NUP35: variants seen among roughly 807,000 people sequenced by gnomAD.
NUP35 encodes nucleoporin 35.
Under a neutral mutation model 41.5 loss-of-function variants are expected in NUP35, and 25 were observed. That is an observed-to-expected ratio of 0.60 (90% confidence interval 0.44 to 0.84). The LOEUF is 0.84. Ranked by LOEUF, NUP35 falls within the 40% of genes least tolerant of loss-of-function variation. NUP35 has a pLI of 0.00. For synonymous variants in NUP35, 149 were observed against 130.7 expected (o/e 1.14, Z -0.96); for missense variants, 396 against 396.6 (o/e 1.00, Z 0.01).
rs776005733 is a variant in NUP35 at position 183,128,356 on chromosome 2, G to T, written c.110G>T (p.Gly37Val). ...GGAGTTAATGCCCAGTTCTTACCTG[G>T]ATTTTTAATGGGGGATTTGCCAGCT... ...KPGVNAQFLP[G>V]FLMGDLPAPV... The change falls in exon 2 of 9, where the codon GGA becomes GTA. Residue 37 changes from glycine (G) to valine (V), a missense_variant. By Grantham distance (109) the Gly-to-Val change is moderately radical (BLOSUM62 -3). Coordinates refer to ENST00000295119, the MANE Select transcript of NUP35 (RefSeq NM_138285.5). The T allele has an allele frequency of 4.3e-5, 69 of 1,613,974 alleles. No homozygotes were observed. Among genetic ancestry groups the T allele is most frequent in the Non-Finnish European group, 5.1e-5 (60 of 1,179,992 alleles).
Position 183,124,449 on chromosome 2 carries a change from G to T in NUP35, c.-9G>T. 1 of 1,614,174 alleles carries T rather than the reference G, an allele frequency of 6.2e-7. No individual in the cohort carries two copies. Among genetic ancestry groups the T allele is most frequent in the Non-Finnish European group, 8.5e-7 (1 of 1,180,002 alleles). On this transcript the variant is annotated 5_prime_UTR_variant, in exon 1 of 9. Transcript: ENST00000295119. ...GAAGGTACTGGTTTTAAGTGTAGTT[G>T]CCGACGCAATGGCAGCCTTTGCAGT...
intron 4 of NUP35, among the ~76,000 whole-genome samples, chr2:183,134,638 T>C (rs1684814638): frequency 6.6e-6 from 1 of 151,836 alleles, no homozygotes; most frequent in African/African-American, 2.4e-5. Context: ...TTTTTTGAGA[T>C]GGAGTCTTGG....
At chr2:183,138,269 A>ATATATTTTT in intron 4 of NUP35, among the ~76,000 whole-genome samples, 6 of 80,688 alleles carry the variant, frequency 7.4e-5, no homozygotes, top group African/African-American at 2.5e-4. Flanking sequence ...ATATATATAT[A>ATATATTTTT]TTTTTTTTTT....
intron 8 of NUP35, 173 bp from the exon 9 acceptor site, chr2:183,160,881 G>A: frequency 2.1e-6 from 1 of 468,398 alleles, no homozygotes; most frequent in Non-Finnish European, 4.0e-6. Context: ...AGGAGATCGA[G>A]ACCATCCTGG....
At chr2:183,152,680 CT>C (rs771078385) in intron 5 of NUP35, among the ~76,000 whole-genome samples, 2 of 152,122 alleles carry the variant, frequency 1.3e-5, no homozygotes, top group Non-Finnish European at 2.9e-5. Flanking sequence ...GTATATATAT[CT>C]ATCACAGTAA....
rs1297168820 is a variant in NUP35 at position 183,133,586 on chromosome 2, G to C, written c.360G>C (p.Gln120His). ...SRRQPNISVM[Q>H]SPLVGVTSTP... ...TGTAGCCAAACATTTCAGTAATGCA[G>C]AGTCCTCTTGTTGGAGTTACATCTA... is the stretch of plus-strand genomic sequence containing the variant. Residue 120 changes from glutamine (Q) to histidine (H), a missense_variant, in exon 4 of 9, where the codon CAG becomes CAC. Transcript: ENST00000295119. The C allele has an allele frequency of 1.9e-6, 3 of 1,600,130 alleles. No homozygotes were observed. The highest frequency in any genetic ancestry group is 1.7e-6 in the Non-Finnish European group (2 of 1,175,818).
upstream of NUP35, among the ~76,000 whole-genome samples, chr2:183,121,692 T>C (rs372508163): frequency 7.9e-4 from 119 of 150,832 alleles, no homozygotes; most frequent in South Asian, 0.012. Flanking sequence ...AAAAAATGAG[T>C]TGGGTGTGGT....
At chr2:183,157,302 G>A (rs912516281) in intron 5 of NUP35, 142 bp from the exon 6 acceptor site, 38 of 677,466 alleles carry the variant, frequency 5.6e-5, no homozygotes, top group Non-Finnish European at 9.2e-5. Flanking sequence ...AGCCCATATC[G>A]GGGAAAACAG....
intron 3 of NUP35, chr2:183,131,102 T>C (rs749830649): frequency 2.5e-5 from 9 of 362,758 alleles, no homozygotes; most frequent in African/African-American, 1.5e-4. Flanking sequence ...GCCTCAACTG[T>C]CCTATTGGGA....
intron 3 of NUP35, among the ~76,000 whole-genome samples, chr2:183,133,042 A>T (rs898818928): frequency 2.6e-5 from 4 of 152,150 alleles, no homozygotes; most frequent in African/African-American, 9.7e-5. Context: ...TTTAATCCTT[A>T]ATTTTCTTAT....
chr2:183,122,826 T>G (rs542516857), upstream of NUP35, among the ~76,000 whole-genome samples: 39 of 152,334 alleles, frequency 2.6e-4, no homozygotes, highest in South Asian at 5.4e-3. Flanking sequence ...TGGATTGCCC[T>G]GTGTTGTGGG....
rs372124211 is a variant in NUP35, at chr2:183,133,550, T to C, written c.340-16T>C. The stretch of plus-strand genomic sequence containing the variant: ...GTTTTGCATTTTTACCATAACACTT[T>C]CTTCTGTTTGTGTAGCCAAACATTT... On this transcript the variant is annotated splice_polypyrimidine_tract_variant and intron_variant, in intron 3 of 8. Transcript: ENST00000295119. 5.3e-5 allele frequency: 85 copies of C among 1,598,296 alleles called. No homozygotes were observed. The highest frequency in any genetic ancestry group is 6.6e-5 in the Non-Finnish European group (78 of 1,173,204).
chr2:183,146,034 G>A (rs375191550), intron 4 of NUP35, among the ~76,000 whole-genome samples: 71 of 152,262 alleles, frequency 4.7e-4, no homozygotes, highest in African/African-American at 1.7e-3. Context: ...TCAGGAGTTC[G>A]AGACCAGCCT....
chr2:183,133,623 G>A lies in NUP35; in HGVS notation c.397G>A (p.Gly133Arg). ...LVGVTSTPGT[G>R]QSMFSPASIG... ...TGGAGTTACATCTACTCCTGGAACA[G>A]GTAAGTGATTCTTTCTTTTTTTTTT... The change falls in exon 4 of 9, where the codon GGG becomes AGG. Residue 133 changes from glycine to arginine, a missense_variant and splice_region_variant. Gly to Arg is a moderately radical substitution (Grantham distance 125). Transcript: ENST00000295119. 1 of 1,563,792 alleles carries A rather than the reference G, an allele frequency of 6.4e-7. No homozygotes were observed. The highest frequency in any genetic ancestry group is 8.6e-7 in the Non-Finnish European group (1 of 1,159,222).
chr2:183,157,580 C>G (rs570588204), intron 6 of NUP35, 67 bp downstream of exon 6: 1 of 1,072,874 alleles, frequency 9.3e-7, no homozygotes, highest in Admixed American at 2.2e-5. Context: ...TTGAGAGAAA[C>G]TGCTTCTGAA....
intron 4 of NUP35, among the ~76,000 whole-genome samples, chr2:183,149,999 C>T (rs568867643): frequency 2.8e-4 from 42 of 152,156 alleles, no homozygotes; most frequent in African/African-American, 8.4e-4. Context: ...CTCCGCCTCC[C>T]GGGTTCAAGC....
chr2:183,128,696 G>A (rs1018915598), intron 2 of NUP35, among the ~76,000 whole-genome samples: 1 of 152,014 alleles, frequency 6.6e-6, no homozygotes, highest in Non-Finnish European at 1.5e-5. Context: ...GGCTTCATGC[G>A]GTGTTCAAGC....
chr2:183,124,775 C>T (rs957097636), intron 1 of NUP35, among the ~76,000 whole-genome samples: 5 of 152,226 alleles, frequency 3.3e-5, no homozygotes, highest in African/African-American at 1.2e-4. Flanking sequence ...ACGCCAGCCA[C>T]GTTAGACTGG....
At chr2:183,129,383 G>A (rs1346025027) in intron 2 of NUP35, among the ~76,000 whole-genome samples, 2 of 152,208 alleles carry the variant, frequency 1.3e-5, no homozygotes, top group Non-Finnish European at 2.9e-5. Flanking sequence ...AATTCTAATT[G>A]TGAGCTAATA....
Sources: allele counts gnomAD v4.1 joint callset (sites outside exome capture counted in the v4.1 genomes callset), GRCh38; gene constraint gnomAD v4.1.1; transcripts MANE v1.5; gene names NCBI Gene and HGNC (gene_info 2026-07-23, HGNC 2026-07-21).